Variants in THEMIS observed in about 807,000 individuals in gnomAD.
THEMIS encodes protein THEMIS.
A neutral mutation model predicts 52.6 loss-of-function variants in THEMIS; 37 were observed. The observed-to-expected ratio is 0.70, with a 90% CI of 0.54 to 0.93. The LOEUF is 0.93. THEMIS is among the 40% of genes least tolerant of loss of function. The probability of loss-of-function intolerance (pLI) is 0.00; values close to 1 mark genes in which losing one functional copy is unlikely to be tolerated. For missense variants in THEMIS, 808 were observed against 763.1 expected, an observed-to-expected ratio of 1.06 and a Z score of -0.69; for synonymous variants, 292 against 272.7, an observed-to-expected ratio of 1.07 and a Z score of -0.70.
chr6:127,780,171 T>C (rs1776696785), intron 4 of THEMIS, among the ~76,000 whole-genome samples: 2 of 152,226 alleles, frequency 1.3e-5, no homozygotes, highest in African/African-American at 4.8e-5. Flanking sequence ...TTGTCTTTTT[T>C]GATCTTTGTT....
chr6:127,787,874 GATAGAT>G (rs1193081426), intron 4 of THEMIS, among the ~76,000 whole-genome samples: 90 of 131,162 alleles, frequency 6.9e-4, no homozygotes, highest in East Asian at 9.1e-4. Flanking sequence ...TAGATAGATA[GATAGAT>G]ATAGATAGAT....
intron 1 of THEMIS, among the ~76,000 whole-genome samples, chr6:127,916,752 C>A (rs1781535756): frequency 6.6e-6 from 1 of 152,198 alleles, no homozygotes; most frequent in Admixed American, 6.5e-5. Flanking sequence ...AATAAATTTC[C>A]TTTTTGCTTA....
At chr6:127,747,197 T>A (rs1022662245) in intron 4 of THEMIS, among the ~76,000 whole-genome samples, 1 of 132,020 alleles carries the variant, frequency 7.6e-6, no homozygotes, top group Non-Finnish European at 1.6e-5. Flanking sequence ...ATTACAGATA[T>A]CTATCATATC....
At chr6:127,855,632 G>A (rs986871856) in intron 1 of THEMIS, among the ~76,000 whole-genome samples, 15 of 152,042 alleles carry the variant, frequency 9.9e-5, no homozygotes, top group African/African-American at 3.4e-4. Context: ...TTCACATTAA[G>A]AGGGTCATAT....
At chr6:127,707,274 G>A (rs545012393), downstream of THEMIS, among the ~76,000 whole-genome samples, 1 of 152,182 alleles carries the variant, frequency 6.6e-6, no homozygotes, top group African/African-American at 2.4e-5. Flanking sequence ...TATCAAATGG[G>A]AAGGTCAGCA....
intron 1 of THEMIS, among the ~76,000 whole-genome samples, chr6:127,865,531 T>C (rs867497665): frequency 1.3e-5 from 2 of 152,308 alleles, no homozygotes; most frequent in Middle Eastern, 3.4e-3. Context: ...AGTAGAGAGC[T>C]AGATATTGTC....
At chr6:127,696,798 CT>C in the THEMIS span, among the ~76,000 whole-genome samples, 12 of 152,018 alleles carry the variant, frequency 7.9e-5, no homozygotes, top group African/African-American at 2.9e-4. Flanking sequence ...TTTACATAGT[CT>C]TTCCTCTGTG....
chr6:127,800,073 G>A (rs1380677432), intron 4 of THEMIS, among the ~76,000 whole-genome samples: 2 of 152,058 alleles, frequency 1.3e-5, no homozygotes, highest in African/African-American at 4.8e-5. Context: ...CCATACATGT[G>A]GTCTTGGAAA....
At chr6:127,776,682 T>C (rs765954965) in intron 4 of THEMIS, among the ~76,000 whole-genome samples, 15 of 152,220 alleles carry the variant, frequency 9.9e-5, no homozygotes, top group Non-Finnish European at 1.9e-4. Flanking sequence ...ATGTTTGCTG[T>C]TTATACTTAT....
chr6:127,917,783 T>C (rs1781557193), intron 1 of THEMIS, among the ~76,000 whole-genome samples: 1 of 152,200 alleles, frequency 6.6e-6, no homozygotes, highest in African/African-American at 2.4e-5. Flanking sequence ...AATCAGAAAT[T>C]GTGTCATTAA....
At chr6:127,785,121 A>G (rs1351115895) in intron 4 of THEMIS, among the ~76,000 whole-genome samples, 1 of 151,316 alleles carries the variant, frequency 6.6e-6, no homozygotes, top group Non-Finnish European at 1.5e-5. Context: ...TACCTAATCT[A>G]TTATCTACCT....
chr6:127,751,886 C>A (rs944147940), intron 4 of THEMIS, among the ~76,000 whole-genome samples: 3 of 151,568 alleles, frequency 2.0e-5, no homozygotes, highest in Non-Finnish European at 4.4e-5. Flanking sequence ...CCAACAGCAG[C>A]AAAATATGTA....
chr6:127,901,472 G>T (rs138209334), upstream of THEMIS, among the ~76,000 whole-genome samples: 89 of 152,114 alleles, frequency 5.9e-4, no homozygotes, highest in African/African-American at 2.0e-3. Context: ...GGTAATAAAA[G>T]TGCTTTGCGT....
chr6:127,723,582 C>A (rs1774437633), intron 4 of THEMIS, among the ~76,000 whole-genome samples: 1 of 151,966 alleles, frequency 6.6e-6, no homozygotes, highest in African/African-American at 2.4e-5. Context: ...TGTAGAGAGG[C>A]AGGAGCTTGC....
chr6:127,813,279 A>T lies in THEMIS; in HGVS notation c.1362T>A (p.Arg454=), dbSNP rs1259551498. The T allele has an allele frequency of 3.7e-6, 6 of 1,613,990 alleles. No individual in the cohort carries two copies. The African/African-American group carries it at 8.0e-5, about 22-fold the overall frequency. The stretch of plus-strand genomic sequence containing the variant: ...CAGACACCTTCACATTGAAGGGCAA[A>T]CGGAACTGTTTACAGAGCTCAGAAA... ...YPISELCKQF[R]LPFNVKVSVR... is the part of the protein sequence containing the mutation. Residue 454 remains arginine (R), a synonymous_variant, in exon 4 of 6, where the codon CGT becomes CGA. Coordinates refer to ENST00000368248, the MANE Select transcript of THEMIS (RefSeq NM_001010923.3).
At chr6:127,916,342 A>T (rs561582588) in intron 1 of THEMIS, among the ~76,000 whole-genome samples, 3 of 152,234 alleles carry the variant, frequency 2.0e-5, no homozygotes, top group African/African-American at 7.2e-5. Context: ...GTCACTGCCC[A>T]CCCAGTCCCC....
intron 4 of THEMIS, among the ~76,000 whole-genome samples, chr6:127,745,476 G>A (rs904317624): frequency 1.2e-4 from 18 of 151,740 alleles, no homozygotes; most frequent in African/African-American, 4.1e-4. Context: ...GCAAATAACA[G>A]TATGGATATG....
At chr6:127,822,098 T>C (rs961553552) in intron 3 of THEMIS, among the ~76,000 whole-genome samples, 2 of 152,004 alleles carry the variant, frequency 1.3e-5, no homozygotes, top group Non-Finnish European at 2.9e-5. Context: ...CTACAGTTGT[T>C]TTTCTCAAAA....
intron 5 of THEMIS, among the ~76,000 whole-genome samples, chr6:127,715,747 G>T (rs545069775): frequency 2.0e-5 from 3 of 151,900 alleles, no homozygotes; most frequent in East Asian, 3.9e-4. Flanking sequence ...CTTAGACAGG[G>T]TGAATCACCT....
Sources: allele counts gnomAD v4.1 joint callset (sites outside exome capture counted in the v4.1 genomes callset), GRCh38; gene constraint gnomAD v4.1.1; transcripts MANE v1.5; gene names NCBI Gene and HGNC (gene_info 2026-07-23, HGNC 2026-07-21).